The following ADAMTS12 variants were observed in gnomAD, a reference collection of about 807,000 sequenced individuals.
ADAMTS12 encodes the protein A disintegrin and metalloproteinase with thrombospondin motifs 12.
Under a neutral mutation model 167.8 loss-of-function variants are expected in ADAMTS12, and 118 were observed. The observed-to-expected ratio is 0.70, with a 90% CI of 0.61 to 0.82. ADAMTS12 has a LOEUF of 0.82. Among genes scored for constraint, ADAMTS12 ranks in the 40% least tolerant of loss-of-function variants. ADAMTS12 has a pLI of 0.00. For synonymous variants in ADAMTS12, 704 were observed against 716.9 expected, an observed-to-expected ratio of 0.98 and a Z score of 0.29; for missense variants, 1,916 against 1,998.8, an observed-to-expected ratio of 0.96 and a Z score of 0.79.
In ADAMTS12 at chr5:33,718,356, C is replaced by T. The variant is rs181743713; in HGVS notation, c.634+33048G>A. 3.5e-3 allele frequency among the ~76,000 whole-genome samples: 527 copies of T among 152,240 alleles called. 1 individual carries two copies. Among genetic ancestry groups the T allele is most frequent in the Non-Finnish European group, 5.9e-3 (399 of 68,012 alleles). On this transcript the variant is annotated intron_variant, in intron 3 of 23. Coordinates refer to ENST00000504830, the MANE Select transcript of ADAMTS12 (RefSeq NM_030955.4). Reference sequence around the variant, plus strand: ...GTCCATGGTCTGTTAAGAACCAGGCCGCATAGCAGGAGGTGAAGTGGCAGA... The same window carrying T: ...GTCCATGGTCTGTTAAGAACCAGGCTGCATAGCAGGAGGTGAAGTGGCAGA...
chr5:33,658,506 T>C (rs766145998), intron 6 of ADAMTS12, among the ~76,000 whole-genome samples, 173 bp from the exon 7 acceptor site: 3 of 152,248 alleles, frequency 2.0e-5, no homozygotes, highest in Non-Finnish European at 4.4e-5. Flanking sequence ...GAGATGATTC[T>C]GATTTTACCT....
intron 2 of ADAMTS12, among the ~76,000 whole-genome samples, chr5:33,823,091 T>TAAAAA (rs34101310): frequency 1.4e-5 from 2 of 140,158 alleles, no homozygotes; most frequent in Non-Finnish European, 1.5e-5. Flanking sequence ...ACCCCATTTC[T>TAAAAA]AAAAAAAAAA....
At chr5:33,586,412 C>T (rs1747355667) in intron 18 of ADAMTS12, among the ~76,000 whole-genome samples, 1 of 152,208 alleles carries the variant, frequency 6.6e-6, no homozygotes, top group African/African-American at 2.4e-5. Flanking sequence ...CCTTTCTGCT[C>T]AGCTCTGTCA....
At chr5:33,827,801 T>C (rs185122701) in intron 2 of ADAMTS12, among the ~76,000 whole-genome samples, 18 of 152,030 alleles carry the variant, frequency 1.2e-4, no homozygotes, top group African/African-American at 4.3e-4. Context: ...TTTATATCAA[T>C]AGTATTGTGT....
At chr5:33,575,063 G>A (rs1746618669) in intron 19 of ADAMTS12, among the ~76,000 whole-genome samples, 1 of 152,046 alleles carries the variant, frequency 6.6e-6, no homozygotes, top group Non-Finnish European at 1.5e-5. Flanking sequence ...CAAATACCTA[G>A]CCAAATTTCT....
intron 11 of ADAMTS12, among the ~76,000 whole-genome samples, chr5:33,640,894 A>G (rs1296705908): frequency 6.6e-6 from 1 of 150,746 alleles, no homozygotes; most frequent in Non-Finnish European, 1.5e-5. Context: ...TTTAAATACT[A>G]TACATCTAGG....
chr5:33,526,974 C>T lies in ADAMTS12; in HGVS notation c.*214G>A, dbSNP rs1225676585. The T allele has an allele frequency of 1.4e-5, 8 of 558,550 alleles. No individual in the cohort carries two copies. Among genetic ancestry groups the T allele is most frequent in the Non-Finnish European group, 2.5e-5 (8 of 321,230 alleles). The allele number at this position is 558,550 out of a possible 1,614,324, so 34.6% of individuals were successfully genotyped here. ...TGCTGCCTGATTCTCCTAGCTATTTCACCTTCCTATCAGGGAGCAGCAAGT... is the reference window on the plus strand; with the variant it reads ...TGCTGCCTGATTCTCCTAGCTATTTTACCTTCCTATCAGGGAGCAGCAAGT... On this transcript the variant is annotated 3_prime_UTR_variant, in exon 24 of 24. Transcript: ENST00000504830.
At chr5:33,677,085 G>A (rs558707559) in intron 5 of ADAMTS12, among the ~76,000 whole-genome samples, 6 of 152,090 alleles carry the variant, frequency 3.9e-5, no homozygotes, top group Non-Finnish European at 7.4e-5. Context: ...TCTCTATCTT[G>A]TTCTTAAAAG....
intron 3 of ADAMTS12, among the ~76,000 whole-genome samples, chr5:33,690,652 G>C (rs896442189): frequency 7.2e-5 from 11 of 152,118 alleles, no homozygotes; most frequent in Non-Finnish European, 1.3e-4. Context: ...GATCCTTCCA[G>C]AGAGTCAATA....
chr5:33,658,884 G>C (rs1741154643), intron 6 of ADAMTS12, among the ~76,000 whole-genome samples: 1 of 152,152 alleles, frequency 6.6e-6, no homozygotes, highest in Non-Finnish European at 1.5e-5. Flanking sequence ...GCATGCCTGT[G>C]TGTGCATGTA....
At chr5:33,649,475 A>T (rs1740795481) in intron 8 of ADAMTS12, 79 bp downstream of exon 8, 1 of 1,528,668 alleles carries the variant, frequency 6.5e-7, no homozygotes, top group Non-Finnish European at 8.9e-7. Flanking sequence ...TCCAGGCATC[A>T]GCTTCTCTGT....
intron 16 of ADAMTS12, among the ~76,000 whole-genome samples, chr5:33,605,223 A>G (rs1738377894): frequency 6.6e-6 from 1 of 152,126 alleles, no homozygotes; most frequent in African/African-American, 2.4e-5. Context: ...AGTCTAGCCT[A>G]TTTCCTAAAG....
intron 5 of ADAMTS12, among the ~76,000 whole-genome samples, chr5:33,676,808 G>T (rs899031282): frequency 4.6e-5 from 7 of 152,078 alleles, no homozygotes; most frequent in African/African-American, 1.7e-4. Flanking sequence ...TCAGCTGGGG[G>T]GAGGGGTAAA....
chr5:33,585,254 T>C (rs963169580), intron 18 of ADAMTS12, among the ~76,000 whole-genome samples: 14 of 152,288 alleles, frequency 9.2e-5, no homozygotes, highest in Admixed American at 8.5e-4. Flanking sequence ...GAAAGAATTA[T>C]GGAACCCACT....
At chr5:33,654,542 T>A (rs1458784005) in intron 7 of ADAMTS12, among the ~76,000 whole-genome samples, 1 of 152,100 alleles carries the variant, frequency 6.6e-6, no homozygotes, top group Non-Finnish European at 1.5e-5. Flanking sequence ...GTGGATGAAA[T>A]TTCTGGCTCC....
chr5:33,747,120 C>T (rs771901878), intron 3 of ADAMTS12, among the ~76,000 whole-genome samples: 24 of 151,906 alleles, frequency 1.6e-4, no homozygotes, highest in Non-Finnish European at 3.1e-4. Context: ...ATTTTTGCTC[C>T]GGGGAAAAAA....
chr5:33,585,727 A>G (rs1446681910), intron 18 of ADAMTS12, among the ~76,000 whole-genome samples: 1 of 152,160 alleles, frequency 6.6e-6, no homozygotes, highest in African/African-American at 2.4e-5. Flanking sequence ...TCTTGGTAAA[A>G]CCTGAGATTG....
intron 3 of ADAMTS12, among the ~76,000 whole-genome samples, chr5:33,708,384 G>A (rs765907499): frequency 2.0e-4 from 30 of 152,312 alleles, no homozygotes; most frequent in South Asian, 8.3e-4. Flanking sequence ...GGAAGACAGT[G>A]TGGAGATTCC....
chr5:33,845,295 A>G (rs1343377371), intron 2 of ADAMTS12, among the ~76,000 whole-genome samples: 1 of 152,190 alleles, frequency 6.6e-6, no homozygotes, highest in East Asian at 1.9e-4. Flanking sequence ...CCCTGAAGAA[A>G]TAACTATAGG....
Sources: gnomAD v4.1 joint callset for allele counts (sites outside exome capture counted in the v4.1 genomes callset) on GRCh38, gnomAD v4.1.1 for gene constraint, MANE v1.5 for transcripts, NCBI Gene and HGNC (gene_info 2026-07-23, HGNC 2026-07-21) for gene names.